The following NAF1 variants were observed in gnomAD, a reference collection of about 807,000 sequenced individuals.
NAF1 encodes nuclear assembly factor 1 ribonucleoprotein, also known as H/ACA ribonucleoprotein complex non-core subunit NAF1.
In NAF1, 11 loss-of-function variants were observed where a neutral mutation model predicts 40.6. The observed-to-expected ratio is 0.27, with a 90% CI of 0.17 to 0.45. The LOEUF (loss-of-function observed/expected upper bound fraction) is 0.45, where lower values mean the gene tolerates loss of function less well. NAF1 is among the 20% of genes least tolerant of loss of function. The probability of loss-of-function intolerance (pLI) is 1.00; values close to 1 mark genes in which losing one functional copy is unlikely to be tolerated. For missense variants in NAF1, 607 were observed against 611.1 expected, an observed-to-expected ratio of 0.99 and a Z score of 0.07; for synonymous variants, 260 against 228.5, an observed-to-expected ratio of 1.14 and a Z score of -1.24.
intron 4 of NAF1, among the ~76,000 whole-genome samples, chr4:163,141,074 T>C (rs1731240982): frequency 6.6e-6 from 1 of 152,202 alleles, no homozygotes; most frequent in African/African-American, 2.4e-5. Flanking sequence ...AATTAAAAAA[T>C]ATATTTTCTG....
chr4:163,143,966 A>G (rs1468908427), intron 4 of NAF1: 1 of 928,590 alleles, frequency 1.1e-6, no homozygotes, highest in African/African-American at 1.8e-5. Context: ...TTACTGTATC[A>G]TAAGTTACCT....
intron 7 of NAF1, among the ~76,000 whole-genome samples, chr4:163,132,576 G>C (rs973121090): frequency 1.3e-5 from 2 of 152,212 alleles, no homozygotes; most frequent in Admixed American, 1.3e-4. Context: ...GGGGCTGAGA[G>C]GTAAGGACGT....
rs575088831 is a variant in NAF1, at chr4:163,165,049, T to C, written c.366-658A>G. ...GCTACTACTTTCATGGATAATCCCA[T>C]ACACATTAATGATTTCAGTCATCAT... On this transcript the variant is annotated intron_variant, in intron 1 of 7. Coordinates refer to ENST00000274054, the MANE Select transcript of NAF1 (RefSeq NM_138386.3). 5.3e-5 allele frequency among the ~76,000 whole-genome samples: 8 copies of C among 152,322 alleles called. No homozygotes were observed. In the East Asian group the frequency reaches 7.7e-4, roughly 15 times the overall value.
chr4:163,114,700 G>C (rs954241347), intron 2 of NAF1, among the ~76,000 whole-genome samples: 3 of 151,958 alleles, frequency 2.0e-5, no homozygotes, highest in Non-Finnish European at 2.9e-5. Context: ...TAATGTCCTT[G>C]TCAGATTTTG....
intron 7 of NAF1, among the ~76,000 whole-genome samples, chr4:163,132,623 G>A (rs569250916): frequency 7.9e-5 from 12 of 152,304 alleles, no homozygotes; most frequent in African/African-American, 2.4e-4. Context: ...GTAGCTCTCT[G>A]GTGATGGAAA....
chr4:163,145,643 C>T, intron 4 of NAF1, 139 bp downstream of exon 4: 1 of 605,962 alleles, frequency 1.7e-6, no homozygotes, highest in Non-Finnish European at 2.9e-6. Flanking sequence ...TAAAGGAAAT[C>T]AAGAACGTAC....
chr4:163,160,844 ATAGT>A (rs1732188873), intron 2 of NAF1, among the ~76,000 whole-genome samples: 1 of 152,080 alleles, frequency 6.6e-6, no homozygotes, highest in Non-Finnish European at 1.5e-5. Context: ...ATTTCATTAG[ATAGT>A]TAATAGACCA....
At chr4:163,126,960 G>T, downstream of NAF1, 1 of 1,544,932 alleles carries the variant, frequency 6.5e-7, no homozygotes, top group South Asian at 1.2e-5. Flanking sequence ...TATGCACATT[G>T]GTTTTTTTAG....
At position 163,153,284 on chromosome 4, in the gene NAF1, G is replaced by T. The variant is rs190690054; in HGVS notation, c.541-4850C>A. ...TCCACCTGCAGCCCCGGTGCAGTGCGGGATCCACTGGGTGAAGCCAGCTGG... is the reference window on the plus strand; with the variant it reads ...TCCACCTGCAGCCCCGGTGCAGTGCTGGATCCACTGGGTGAAGCCAGCTGG... On this transcript the variant is annotated intron_variant, in intron 2 of 7. Coordinates refer to ENST00000274054, the MANE Select transcript of NAF1 (RefSeq NM_138386.3). 3.8e-3 allele frequency among the ~76,000 whole-genome samples: 574 copies of T among 152,346 alleles called. 5 individuals are homozygous for T. Among genetic ancestry groups the T allele is most frequent in the African/African-American group, 0.013 (548 of 41,584 alleles).
chr4:163,164,207 A>G lies in NAF1; in HGVS notation c.540+10T>C. 1 of 1,515,994 alleles carries G rather than the reference A, an allele frequency of 6.6e-7. No homozygotes were observed. The highest frequency in any genetic ancestry group is 8.8e-7 in the Non-Finnish European group (1 of 1,133,324). The allele number at this position is 1,515,994 out of a possible 1,614,324, so 93.9% of individuals were successfully genotyped here. On this transcript the variant is annotated intron_variant, in intron 2 of 7. Coordinates refer to ENST00000274054, the MANE Select transcript of NAF1 (RefSeq NM_138386.3). Reference sequence around the variant, plus strand: ...CATGCAAACTAAGCTTAATAAATCTAAGTACTTACATTAAGAAGTAATTCA... The same window carrying G: ...CATGCAAACTAAGCTTAATAAATCTGAGTACTTACATTAAGAAGTAATTCA...
chr4:163,162,392 G>A (rs1452440777), intron 2 of NAF1, among the ~76,000 whole-genome samples: 1 of 152,128 alleles, frequency 6.6e-6, no homozygotes, highest in Non-Finnish European at 1.5e-5. Context: ...GCAGCACAGT[G>A]GTCTGAAGGA....
At chr4:163,157,365 T>G (rs1010636160) in intron 2 of NAF1, 3 of 152,088 alleles carry the variant, frequency 2.0e-5, no homozygotes, top group Admixed American at 2.0e-4. Flanking sequence ...CACAGCAGTT[T>G]GGAATGTATC....
chr4:163,112,840 G>A (rs964177134), intron 2 of NAF1, among the ~76,000 whole-genome samples: 12 of 152,230 alleles, frequency 7.9e-5, no homozygotes, highest in African/African-American at 2.7e-4. Flanking sequence ...CTTGAAGGTT[G>A]TAGAGGAGAG....
At chr4:163,154,902 AAC>A (rs1560804157) in intron 2 of NAF1, among the ~76,000 whole-genome samples, 2 of 151,826 alleles carry the variant, frequency 1.3e-5, no homozygotes, top group African/African-American at 2.4e-5. Flanking sequence ...AAAAAAAAAA[AAC>A]AGAGCGAGAG....
intron 7 of NAF1, among the ~76,000 whole-genome samples, chr4:163,130,078 G>A (rs550542178): frequency 9.9e-5 from 15 of 152,252 alleles, no homozygotes; most frequent in African/African-American, 3.1e-4. Context: ...TGTTCCTTTC[G>A]CTGCCAGAGT....
chr4:163,145,753 A>C, intron 4 of NAF1, 29 bp downstream of exon 4: 1 of 1,375,922 alleles, frequency 7.3e-7, no homozygotes, highest in Non-Finnish European at 1.0e-6. Flanking sequence ...AAATAGAATA[A>C]TTTGTAAGAT....
intron 2 of NAF1, among the ~76,000 whole-genome samples, chr4:163,112,172 T>C (rs951155552): frequency 1.3e-5 from 2 of 151,650 alleles, no homozygotes; most frequent in African/African-American, 4.9e-5. Flanking sequence ...TTTTACAAAA[T>C]GGAAAAAATG....
chr4:163,131,516 A>C (rs979336429), intron 7 of NAF1, among the ~76,000 whole-genome samples: 2 of 152,238 alleles, frequency 1.3e-5, no homozygotes, highest in African/African-American at 4.8e-5. Flanking sequence ...ATTTTGAAAA[A>C]GAGAAATAAA....
chr4:163,144,919 A>G (rs2110956828), intron 4 of NAF1, among the ~76,000 whole-genome samples: 1 of 152,312 alleles, frequency 6.6e-6, no homozygotes, highest in Non-Finnish European at 1.5e-5. Context: ...GTTAGGTACT[A>G]AGAAAAAAAG....
Sources: allele counts gnomAD v4.1 joint callset (sites outside exome capture counted in the v4.1 genomes callset), GRCh38; gene constraint gnomAD v4.1.1; transcripts MANE v1.5; gene names NCBI Gene and HGNC (gene_info 2026-07-23, HGNC 2026-07-21).